WDPCP: variants seen among roughly 807,000 people sequenced by gnomAD.
The protein encoded by WDPCP is WD repeat-containing and planar cell polarity effector protein fritz homolog.
WDPCP carries 71 observed loss-of-function variants against 93.1 expected under a neutral mutation model. The observed-to-expected ratio is 0.76, with a 90% CI of 0.63 to 0.93. WDPCP has a LOEUF of 0.93. WDPCP is among the 40% of genes least tolerant of loss of function. WDPCP has a pLI of 0.00. For missense variants in WDPCP, 844 were observed against 887.4 expected (o/e 0.95, Z 0.62); for synonymous variants, 315 against 315.0 (o/e 1.00, Z 0.00).
At chr2:63,299,860 C>G (rs527367345) in intron 13 of WDPCP, among the ~76,000 whole-genome samples, 13 of 152,206 alleles carry the variant, frequency 8.5e-5, no homozygotes, top group East Asian at 1.9e-4. Flanking sequence ...CATTTTCTAA[C>G]AAAGAACAGC....
chr2:63,244,101 A>T (rs1680080032), intron 14 of WDPCP, among the ~76,000 whole-genome samples: 1 of 152,206 alleles, frequency 6.6e-6, no homozygotes, highest in Non-Finnish European at 1.5e-5. Context: ...ACACAATTAC[A>T]TGGAAATTAA....
intron 1 of WDPCP, among the ~76,000 whole-genome samples, chr2:63,575,607 G>A (rs1037102294): frequency 4.2e-5 from 6 of 143,130 alleles, no homozygotes; most frequent in African/African-American, 1.5e-4. Flanking sequence ...GTATATATAC[G>A]GTATACTACC....
chr2:63,677,000 A>T (rs1710411285), intron 2 of WDPCP, among the ~76,000 whole-genome samples: 1 of 152,174 alleles, frequency 6.6e-6, no homozygotes, highest in African/African-American at 2.4e-5. Context: ...TGAATCCATA[A>T]TTATTTCAAA....
At chr2:63,231,265 C>T (rs190304441) in intron 14 of WDPCP, among the ~76,000 whole-genome samples, 3 of 152,044 alleles carry the variant, frequency 2.0e-5, no homozygotes, top group African/African-American at 7.2e-5. Context: ...TTTGAAAAGT[C>T]GCACAAGACA....
intron 2 of WDPCP, among the ~76,000 whole-genome samples, chr2:63,800,210 C>A (rs1325898776): frequency 1.3e-5 from 2 of 151,926 alleles, no homozygotes; most frequent in East Asian, 1.9e-4. Flanking sequence ...TAAAAAAAAA[C>A]CCAATGGAAT....
intron 1 of WDPCP, among the ~76,000 whole-genome samples, chr2:63,814,603 T>C (rs778808853): frequency 3.9e-5 from 6 of 152,232 alleles, no homozygotes; most frequent in Non-Finnish European, 7.3e-5. Context: ...TAGTTGAAAA[T>C]ATTCCTGAAC....
intron 12 of WDPCP, among the ~76,000 whole-genome samples, chr2:63,314,882 G>A (rs1686514683): frequency 6.6e-6 from 1 of 152,094 alleles, no homozygotes. Flanking sequence ...ATCATAGAGG[G>A]CAAACTGAAA....
intron 1 of WDPCP, among the ~76,000 whole-genome samples, chr2:63,581,986 C>A (rs1708526786): frequency 6.8e-6 from 1 of 148,058 alleles, no homozygotes. Flanking sequence ...CAGAGCAAAA[C>A]CCTATCTTAA....
At chr2:63,191,194 C>T (rs866455802) in intron 14 of WDPCP, among the ~76,000 whole-genome samples, 48 of 152,130 alleles carry the variant, frequency 3.2e-4, no homozygotes, top group Middle Eastern at 3.2e-3. Context: ...AGATCGAGAC[C>T]GTCCTGGATA....
At chr2:63,686,102 A>T (rs1487432074) in intron 2 of WDPCP, among the ~76,000 whole-genome samples, 4 of 152,204 alleles carry the variant, frequency 2.6e-5, no homozygotes, top group African/African-American at 9.7e-5. Flanking sequence ...GGAAGTCTTC[A>T]CTAGAGCAAT....
chr2:63,263,358 A>G (rs1517408), intron 13 of WDPCP, among the ~76,000 whole-genome samples: 99,397 of 152,136 alleles, frequency 0.65, 34,942 homozygotes, highest in African/African-American at 0.9. Context: ...ATTAGGTCAT[A>G]AAGTCTCTGC....
intron 9 of WDPCP, among the ~76,000 whole-genome samples, chr2:63,418,440 T>C (rs568497049): frequency 1.6e-4 from 25 of 152,210 alleles, no homozygotes; most frequent in Non-Finnish European, 3.7e-4. Flanking sequence ...TCTATCAAGA[T>C]TAATTTGAAG....
At chr2:63,838,754 T>C in the WDPCP span, among the ~76,000 whole-genome samples, 3 of 152,188 alleles carry the variant, frequency 2.0e-5, no homozygotes, top group African/African-American at 4.8e-5. Flanking sequence ...GACTGAAATA[T>C]ATAAAGGGAA....
At chr2:63,827,370 T>C (rs1671129694) in intron 1 of WDPCP, among the ~76,000 whole-genome samples, 1 of 152,178 alleles carries the variant, frequency 6.6e-6, no homozygotes, top group African/African-American at 2.4e-5. Flanking sequence ...TTACTATGAT[T>C]CAAATAGTTC....
chr2:63,432,039 A>G (rs987210078), intron 9 of WDPCP, among the ~76,000 whole-genome samples: 12 of 152,176 alleles, frequency 7.9e-5, no homozygotes, highest in Admixed American at 6.5e-4. Flanking sequence ...AGTAATGAAA[A>G]AAATCTACCC....
At chr2:63,215,974 C>A (rs940174998) in intron 14 of WDPCP, among the ~76,000 whole-genome samples, 14 of 152,192 alleles carry the variant, frequency 9.2e-5, no homozygotes, top group Non-Finnish European at 1.9e-4. Flanking sequence ...CATCACTGGC[C>A]ATCAGAGAAA....
chr2:63,733,003 C>T (rs1669582947), intron 2 of WDPCP, among the ~76,000 whole-genome samples: 1 of 152,066 alleles, frequency 6.6e-6, no homozygotes, highest in African/African-American at 2.4e-5. Flanking sequence ...ACAAAAGTGT[C>T]AGCAAAGACA....
chr2:63,620,088 T>C (rs1248218359), intron 3 of WDPCP, among the ~76,000 whole-genome samples: 1 of 152,062 alleles, frequency 6.6e-6, no homozygotes, highest in African/African-American at 2.4e-5. Context: ...AACACAAAAC[T>C]GGGTGGCCAT....
intron 2 of WDPCP, among the ~76,000 whole-genome samples, chr2:63,489,835 A>T (rs1700770307): frequency 6.6e-6 from 1 of 152,152 alleles, no homozygotes; most frequent in Admixed American, 6.5e-5. Flanking sequence ...ATATTTACAT[A>T]ATTTCAAGGT....
Sources: gnomAD v4.1 joint callset for allele counts (sites outside exome capture counted in the v4.1 genomes callset) on GRCh38, gnomAD v4.1.1 for gene constraint, MANE v1.5 for transcripts, NCBI Gene and HGNC (gene_info 2026-07-23, HGNC 2026-07-21) for gene names.